POGLUT1: variants seen among roughly 807,000 people sequenced by gnomAD.
POGLUT1 encodes the protein protein O-glucosyltransferase 1.
Under a neutral mutation model 61.3 loss-of-function variants are expected in POGLUT1, and 32 were observed. The observed-to-expected ratio is 0.52, with a 90% CI of 0.39 to 0.70. The LOEUF is 0.70. Ranked by LOEUF, POGLUT1 falls within the 30% of genes least tolerant of loss-of-function variation. POGLUT1 has a pLI of 0.00. For missense variants in POGLUT1, 411 were observed against 469.8 expected (o/e 0.87, Z 1.16); for synonymous variants, 158 against 158.2 (o/e 1.00, Z 0.01).
intron 3 of POGLUT1, among the ~76,000 whole-genome samples, chr3:119,472,129 C>T (rs12493965): frequency 0.17 from 25,294 of 151,782 alleles, 2,287 homozygotes; most frequent in Admixed American, 0.21. Context: ...CAGGGAGGGT[C>T]ATGGGCTGAG....
chr3:119,489,923 G>GT (rs2081720966), intron 8 of POGLUT1: 1 of 153,168 alleles, frequency 6.5e-6, no homozygotes, highest in Non-Finnish European at 1.5e-5. Context: ...ATGATCTGAG[G>GT]TGGAACAGTT....
chr3:119,493,911 A>G lies in POGLUT1; in HGVS notation c.*1473A>G, dbSNP rs2081784157. ...GCAGTCCAGATTTCTGAGTCGTACTATGGTTTTGCCTTGTCACTGTGAGGC... is the reference window on the plus strand; with the variant it reads ...GCAGTCCAGATTTCTGAGTCGTACTGTGGTTTTGCCTTGTCACTGTGAGGC... On this transcript the variant is annotated 3_prime_UTR_variant, in exon 11 of 11. Coordinates refer to ENST00000295588, the MANE Select transcript of POGLUT1 (RefSeq NM_152305.3). The G allele has an allele frequency of 6.8e-6, 1 of 146,878 alleles. No homozygotes were observed. The highest frequency in any genetic ancestry group is 7.0e-5 in the Admixed American group (1 of 14,246). 9.1% of individuals were successfully genotyped at this position (146,878 alleles called of 1,614,324 possible). A position where few individuals can be genotyped will look rare whatever the true frequency, so the allele number is the denominator to read the frequency against.
Position 119,485,345 on chromosome 3 carries a change from C to G in POGLUT1, c.596C>G (p.Pro199Arg), listed in dbSNP as rs1230600821. The G allele has an allele frequency of 6.2e-7, 1 of 1,604,838 alleles. No homozygotes were observed. Among genetic ancestry groups the G allele is most frequent in the Non-Finnish European group, 8.5e-7 (1 of 1,172,116 alleles). Residue 199 changes from proline (P) to arginine (R), a missense_variant, in exon 6 of 11, where the codon CCA becomes CGA. Physicochemically the swap from Pro to Arg is moderately radical, Grantham distance 103. Coordinates refer to ENST00000295588, the MANE Select transcript of POGLUT1 (RefSeq NM_152305.3). ...EDLVRSAAQW[P>R]WKKKNSTAYF... The stretch of plus-strand genomic sequence containing the variant: ...ATTCTTAGGTCAGCAGCACAGTGGC[C>G]ATGGAAAAAGAAAAACTCTACAGCA...
chr3:119,487,129 T>A, intron 7 of POGLUT1, 197 bp downstream of exon 7: 1 of 582,078 alleles, frequency 1.7e-6, no homozygotes, highest in Non-Finnish European at 3.1e-6. Flanking sequence ...ATATTATGAC[T>A]AGTATATTGC....
chr3:119,484,297 A>G (rs936360770), intron 5 of POGLUT1, among the ~76,000 whole-genome samples: 3 of 152,122 alleles, frequency 2.0e-5, no homozygotes, highest in African/African-American at 7.2e-5. Context: ...TTTATATCCT[A>G]AGTTTCTCCG....
At chr3:119,470,604 C>T (rs1295012183) in intron 2 of POGLUT1, among the ~76,000 whole-genome samples, 1 of 151,996 alleles carries the variant, frequency 6.6e-6, no homozygotes, top group African/African-American at 2.4e-5. Context: ...ACATCAGGGC[C>T]GGGATGAGGT....
chr3:119,480,536 C>A (rs1408568125), intron 5 of POGLUT1, among the ~76,000 whole-genome samples: 1 of 152,062 alleles, frequency 6.6e-6, no homozygotes, highest in Non-Finnish European at 1.5e-5. Context: ...GCGTGAGCCA[C>A]CGCGCCCAGC....
chr3:119,490,845 T>C, intron 9 of POGLUT1, 127 bp downstream of exon 9: 1 of 784,798 alleles, frequency 1.3e-6, no homozygotes, highest in Non-Finnish European at 2.0e-6. Flanking sequence ...TTGAAAGCTT[T>C]TTTTCCTCTT....
intron 3 of POGLUT1, among the ~76,000 whole-genome samples, chr3:119,474,315 C>A (rs1037365778): frequency 6.6e-6 from 1 of 152,060 alleles, no homozygotes; most frequent in Non-Finnish European, 1.5e-5. Context: ...AAAAATAAAA[C>A]CTACAGTGTA....
chr3:119,480,229 C>A, intron 5 of POGLUT1, 57 bp downstream of exon 5: 3 of 1,330,934 alleles, frequency 2.3e-6, no homozygotes, highest in Middle Eastern at 1.9e-4. Context: ...TGAAATAAGC[C>A]ATAGAATATA....
intron 3 of POGLUT1, among the ~76,000 whole-genome samples, chr3:119,475,937 A>G (rs1349043299): frequency 6.7e-6 from 1 of 149,846 alleles, no homozygotes; most frequent in Non-Finnish European, 1.5e-5. Context: ...TCTGGACAAC[A>G]TACCAAGACT....
At chr3:119,475,768 C>A (rs1029699500) in intron 3 of POGLUT1, among the ~76,000 whole-genome samples, 2 of 150,650 alleles carry the variant, frequency 1.3e-5, no homozygotes, top group African/African-American at 2.4e-5. Context: ...GCTGAGATTG[C>A]GCCATTGCAC....
chr3:119,487,737 C>A (rs1350278967), intron 7 of POGLUT1, among the ~76,000 whole-genome samples: 2 of 151,620 alleles, frequency 1.3e-5, no homozygotes, highest in African/African-American at 4.9e-5. Flanking sequence ...TAGTCCATGA[C>A]AAAAACAAGC....
At chr3:119,477,083 T>G (rs1249178313) in intron 3 of POGLUT1, among the ~76,000 whole-genome samples, 1 of 152,210 alleles carries the variant, frequency 6.6e-6, no homozygotes, top group Non-Finnish European at 1.5e-5. Flanking sequence ...TTTGGAAAAT[T>G]TTATTAAGTA....
intron 4 of POGLUT1, among the ~76,000 whole-genome samples, chr3:119,477,733 C>T (rs2107708803): frequency 6.6e-6 from 1 of 152,284 alleles, no homozygotes; most frequent in African/African-American, 2.4e-5. Flanking sequence ...AGAGGTGGGT[C>T]TTGAAGATCT....
chr3:119,480,806 G>A (rs1055956733), intron 5 of POGLUT1, among the ~76,000 whole-genome samples: 5 of 145,956 alleles, frequency 3.4e-5, no homozygotes, highest in Admixed American at 1.4e-4. Context: ...TGGTGCTATC[G>A]CGGCTCACTG....
chr3:119,490,788 C>A, intron 9 of POGLUT1, 70 bp downstream of exon 9: 3 of 1,339,156 alleles, frequency 2.2e-6, no homozygotes, highest in South Asian at 1.3e-5. Context: ...TGCCTTAATG[C>A]CTTAAAACCA....
At chr3:119,476,208 A>T (rs1193420327) in intron 3 of POGLUT1, among the ~76,000 whole-genome samples, 2 of 152,164 alleles carry the variant, frequency 1.3e-5, no homozygotes, top group Admixed American at 1.3e-4. Flanking sequence ...AATAGAATCT[A>T]ATTGTCCTAC....
At position 119,480,141 on chromosome 3, in the gene POGLUT1, C is replaced by T. The variant is rs566241791; in HGVS notation, c.547C>T (p.Arg183Trp). The T allele has an allele frequency of 2.4e-5, 38 of 1,606,136 alleles. No homozygotes were observed. The highest frequency in any genetic ancestry group is 1.2e-4 in the African/African-American group (9 of 74,276). Reference sequence around the variant, plus strand: ...GCCAATTTATCCTACAGGTCTTGGACGGTGGGACCTCTTCAGAGAAGATCT... The same window carrying T: ...GCCAATTTATCCTACAGGTCTTGGATGGTGGGACCTCTTCAGAGAAGATCT... Reference protein sequence around the residue: ...VWPIYPTGLGRWDLFREDLVR... With the variant: ...VWPIYPTGLGWWDLFREDLVR... Residue 183 changes from arginine (R) to tryptophan (W), a missense_variant, in exon 5 of 11, where the codon CGG becomes TGG. Arg to Trp is a moderately radical substitution (Grantham distance 101). Coordinates refer to ENST00000295588, the MANE Select transcript of POGLUT1 (RefSeq NM_152305.3).
Sources: allele counts gnomAD v4.1 joint callset (sites outside exome capture counted in the v4.1 genomes callset), GRCh38; gene constraint gnomAD v4.1.1; transcripts MANE v1.5; gene names NCBI Gene and HGNC (gene_info 2026-07-23, HGNC 2026-07-21).